Variants in ARHGEF28 observed in about 807,000 individuals in gnomAD.
The protein encoded by ARHGEF28 is 190 kDa guanine nucleotide exchange factor.
ARHGEF28 carries 152 observed loss-of-function variants against 206.6 expected under a neutral mutation model. The observed-to-expected ratio is 0.74, with a 90% CI of 0.64 to 0.84. ARHGEF28 has a LOEUF of 0.84. ARHGEF28 is among the 40% of genes least tolerant of loss of function. The pLI is 0.00. For missense variants in ARHGEF28, 2,028 were observed against 2,073.2 expected (o/e 0.98, Z 0.42); for synonymous variants, 763 against 776.4 (o/e 0.98, Z 0.29).
chr5:73,629,083 C>T (rs1194316773), intron 1 of ARHGEF28, among the ~76,000 whole-genome samples: 2 of 152,182 alleles, frequency 1.3e-5, no homozygotes, highest in African/African-American at 4.8e-5. Flanking sequence ...CCCAGCACTG[C>T]TCTTTGCTTT....
At chr5:73,913,885 C>T (rs757189845) in intron 35 of ARHGEF28, among the ~76,000 whole-genome samples, 31 of 152,188 alleles carry the variant, frequency 2.0e-4, no homozygotes, top group African/African-American at 5.8e-4. Flanking sequence ...TAACGTCTGC[C>T]GTTCCAGGTA....
At chr5:73,707,591 G>C (rs1561347548) in intron 2 of ARHGEF28, among the ~76,000 whole-genome samples, 2 of 152,140 alleles carry the variant, frequency 1.3e-5, no homozygotes, top group East Asian at 3.8e-4. Context: ...ATGTATTCTT[G>C]AATATAGCCA....
chr5:73,905,836 C>T (rs1762519879), intron 33 of ARHGEF28, among the ~76,000 whole-genome samples: 1 of 152,132 alleles, frequency 6.6e-6, no homozygotes, highest in Non-Finnish European at 1.5e-5. Context: ...ATAGACTTTG[C>T]CAAAATAATC....
intron 1 of ARHGEF28, among the ~76,000 whole-genome samples, chr5:73,673,567 C>T (rs1210898789): frequency 3.3e-5 from 5 of 152,042 alleles, no homozygotes; most frequent in Non-Finnish European, 5.9e-5. Context: ...CCCTCCTGGC[C>T]CCAATTACCA....
At chr5:73,799,945 C>T (rs1024880834) in intron 9 of ARHGEF28, among the ~76,000 whole-genome samples, 1 of 152,084 alleles carries the variant, frequency 6.6e-6, no homozygotes, top group African/African-American at 2.4e-5. Flanking sequence ...AGAGAGTGGG[C>T]TTGGCGCAAG....
At chr5:73,741,498 C>A (rs1751432683) in intron 2 of ARHGEF28, among the ~76,000 whole-genome samples, 2 of 147,668 alleles carry the variant, frequency 1.4e-5, no homozygotes, top group Non-Finnish European at 3.0e-5. Flanking sequence ...TGGCTCACTG[C>A]AACCTCTGCC....
chr5:73,897,921 T>C, intron 29 of ARHGEF28, 41 bp from the exon 30 acceptor site: 1 of 1,540,894 alleles, frequency 6.5e-7, no homozygotes, highest in East Asian at 2.5e-5. Context: ...TATATACCTA[T>C]CTTTGTTTTT....
At chr5:73,725,823 GA>G (rs1288053217) in intron 2 of ARHGEF28, among the ~76,000 whole-genome samples, 1 of 152,182 alleles carries the variant, frequency 6.6e-6, no homozygotes, top group African/African-American at 2.4e-5. Flanking sequence ...GGACAATGAG[GA>G]AGAGTAGAAA....
At chr5:73,774,082 T>C (rs769525276) in intron 5 of ARHGEF28, 44 bp downstream of exon 5, 2 of 1,499,486 alleles carry the variant, frequency 1.3e-6, no homozygotes, top group Admixed American at 4.8e-5. Context: ...TTGTATAAAG[T>C]CGGCCAAGCA....
intron 11 of ARHGEF28, among the ~76,000 whole-genome samples, chr5:73,841,709 GAAGAAAAAAAAAAAAA>G (rs1757997730): frequency 3.4e-5 from 1 of 29,766 alleles, no homozygotes; most frequent in South Asian, 1.1e-3. Flanking sequence ...GTCTCAAAAA[GAAGAAAAAAAAAAAAA>G]AAAGAGAGAA....
chr5:73,901,827 G>A (rs1474609497), intron 31 of ARHGEF28: 4 of 152,298 alleles, frequency 2.6e-5, no homozygotes, highest in Non-Finnish European at 4.4e-5. Flanking sequence ...TTCCCAAAGG[G>A]AATCCTCTTT....
intron 35 of ARHGEF28, among the ~76,000 whole-genome samples, chr5:73,920,872 G>C (rs533943867): frequency 1.3e-5 from 2 of 152,250 alleles, no homozygotes; most frequent in African/African-American, 2.4e-5. Context: ...TGAATCCAGT[G>C]CTGTCGCTGT....
chr5:73,689,782 A>AC (rs1402405584), intron 2 of ARHGEF28, among the ~76,000 whole-genome samples: 1 of 148,154 alleles, frequency 6.7e-6, no homozygotes, highest in African/African-American at 2.6e-5. Context: ...GAAAAAACAA[A>AC]AAAAAAAAAC....
chr5:73,928,277 A>G (rs953977347), intron 35 of ARHGEF28, among the ~76,000 whole-genome samples: 1 of 152,144 alleles, frequency 6.6e-6, no homozygotes, highest in Non-Finnish European at 1.5e-5. Context: ...TTAGCCAGGC[A>G]TGGTGGCAGG....
intron 35 of ARHGEF28, among the ~76,000 whole-genome samples, chr5:73,927,139 T>C (rs1220355931): frequency 2.0e-5 from 3 of 151,924 alleles, no homozygotes; most frequent in Non-Finnish European, 4.4e-5. Context: ...TGTGGAAGGA[T>C]TGCTTGAGCC....
chr5:73,848,950 A>C, intron 12 of ARHGEF28, 26 bp from the exon 13 acceptor site: 1 of 1,467,038 alleles, frequency 6.8e-7, no homozygotes, highest in Non-Finnish European at 9.3e-7. Flanking sequence ...ATAAATTTTT[A>C]AACACTTTAT....
intron 2 of ARHGEF28, among the ~76,000 whole-genome samples, chr5:73,735,489 C>G (rs1750865861): frequency 6.6e-6 from 1 of 152,120 alleles, no homozygotes; most frequent in African/African-American, 2.4e-5. Context: ...ACCAGTATCT[C>G]TGGTCTGCAT....
chr5:73,734,911 A>G (rs1750821077), intron 2 of ARHGEF28, among the ~76,000 whole-genome samples: 1 of 152,070 alleles, frequency 6.6e-6, no homozygotes, highest in African/African-American at 2.4e-5. Flanking sequence ...TACACCTTCT[A>G]TTTTATTTCT....
At chr5:73,832,087 T>A (rs2112559902) in intron 9 of ARHGEF28, among the ~76,000 whole-genome samples, 1 of 152,334 alleles carries the variant, frequency 6.6e-6, no homozygotes, top group South Asian at 2.1e-4. Context: ...AGGCCTCTAA[T>A]GATGGGGAAA....
Sources: allele counts gnomAD v4.1 joint callset (sites outside exome capture counted in the v4.1 genomes callset), GRCh38; gene constraint gnomAD v4.1.1; transcripts MANE v1.5; gene names NCBI Gene and HGNC (gene_info 2026-07-23, HGNC 2026-07-21).